RUBCN: variants seen among roughly 807,000 people sequenced by gnomAD.
The protein encoded by RUBCN is run domain Beclin-1-interacting and cysteine-rich domain-containing protein.
In RUBCN, 74 loss-of-function variants were observed where a neutral mutation model predicts 113.2. That is an observed-to-expected ratio of 0.65 (90% CI 0.54 to 0.79). The LOEUF (loss-of-function observed/expected upper bound fraction) is 0.79, where lower values mean the gene tolerates loss of function less well. Among genes scored for constraint, RUBCN ranks in the 30% least tolerant of loss-of-function variants. RUBCN has a pLI of 0.00. For synonymous variants in RUBCN, 480 were observed against 490.0 expected (o/e 0.98, Z 0.27); for missense variants, 1,109 against 1,251.7 (o/e 0.89, Z 1.72).
chr3:197,678,272 C>CT (rs1432703907), intron 16 of RUBCN, among the ~76,000 whole-genome samples: 3 of 151,554 alleles, frequency 2.0e-5, no homozygotes, highest in African/African-American at 7.3e-5. Context: ...TGACAACTGG[C>CT]TCCAGACTGT....
At chr3:197,748,197 C>G (rs765430759) in intron 1 of RUBCN, 6 of 152,122 alleles carry the variant, frequency 3.9e-5, no homozygotes, top group Admixed American at 2.6e-4. Context: ...CCGCCTGCCT[C>G]GGCCTCCCAA....
intron 2 of RUBCN, among the ~76,000 whole-genome samples, chr3:197,709,672 G>A (rs1002523565): frequency 7.9e-5 from 12 of 152,036 alleles, no homozygotes; most frequent in South Asian, 6.2e-4. Context: ...GAGCCACCGC[G>A]CCCGGCCTGA....
chr3:197,700,437 C>T, intron 7 of RUBCN, 176 bp downstream of exon 7: 1 of 635,420 alleles, frequency 1.6e-6, no homozygotes, highest in Non-Finnish European at 2.8e-6. Flanking sequence ...CATAAATAGA[C>T]TTAGAGATTT....
chr3:197,674,456 T>C lies in RUBCN; in HGVS notation c.*562A>G, dbSNP rs1424833079. Reference sequence around the variant, plus strand: ...GAGTCTAGGATAGTCAGGATTGTTCTGTGGCCCCCAAAATACCCAAATAAG... The same window carrying C: ...GAGTCTAGGATAGTCAGGATTGTTCCGTGGCCCCCAAAATACCCAAATAAG... On this transcript the variant is annotated 3_prime_UTR_variant, in exon 20 of 20. Transcript: ENST00000296343. 2 of 428,444 alleles carry C rather than the reference T, an allele frequency of 4.7e-6. No individual in the cohort carries two copies. The highest frequency in any genetic ancestry group is 3.7e-4 in the Middle Eastern group (1 of 2,736). 26.5% of individuals were successfully genotyped at this position (428,444 alleles called of 1,614,324 possible). A position where few individuals can be genotyped will look rare whatever the true frequency, so the allele number is the denominator to read the frequency against.
Position 197,681,320 on chromosome 3 carries a change from A to G in RUBCN, c.2239T>C (p.Cys747Arg). ...RYCEYLGKYF[C>R]QCCHENAQMA... ...TGGGCATTCTCGTGGCAGCACTGGC[A>G]GAAGTACTTGCCCAGGTACTCACAG... The change falls in exon 16 of 20, where the codon TGC becomes CGC. Residue 747 changes from cysteine to arginine, a missense_variant. Around this residue, in one of 3 missense-constraint regions of RUBCN, gnomAD observed 306 missense variants for 348.9 expected, o/e 0.88. Transcript: ENST00000296343. This position sits in a 1 kb window ranked among gnomAD's most constrained non-coding sequence, Gnocchi z 5.5. 1 of 1,614,204 alleles carries G rather than the reference A, an allele frequency of 6.2e-7. No homozygotes were observed. The highest frequency in any genetic ancestry group is 8.5e-7 in the Non-Finnish European group (1 of 1,180,024).
intron 7 of RUBCN, among the ~76,000 whole-genome samples, chr3:197,700,208 C>T (rs1723487508): frequency 6.6e-6 from 1 of 152,172 alleles, no homozygotes. Flanking sequence ...TATCTCTCTG[C>T]CTCTCTCACA....
rs1721209819 is a variant in RUBCN, at chr3:197,681,294, C to G, written c.2265G>C (p.Gln755His). Residue 755 changes from glutamine to histidine, a missense_variant, in exon 16 of 20, where the codon CAG becomes CAC. Transcript: ENST00000296343. The surrounding 1 kb of genome is among the most constrained non-coding windows in gnomAD (Gnocchi z 5.5). ...YFCQCCHENA[Q>H]MAIPSRVLRK... ...GCAGAACCCGGCTGGGGATGGCCAT[C>G]TGGGCATTCTCGTGGCAGCACTGGC... 2 of 1,614,236 alleles carry G rather than the reference C, an allele frequency of 1.2e-6. No individual in the cohort carries two copies. Among genetic ancestry groups the G allele is most frequent in the Non-Finnish European group, 1.7e-6 (2 of 1,180,042 alleles).
At chr3:197,696,699 G>A (rs1723041249) in intron 8 of RUBCN, among the ~76,000 whole-genome samples, 1 of 152,088 alleles carries the variant, frequency 6.6e-6, no homozygotes, top group Admixed American at 6.6e-5. Flanking sequence ...ATCCCATCTG[G>A]ACCAGCCGAC....
At chr3:197,743,462 A>C (rs952515940) in intron 1 of RUBCN, among the ~76,000 whole-genome samples, 1 of 152,334 alleles carries the variant, frequency 6.6e-6, no homozygotes, top group Non-Finnish European at 1.5e-5. Flanking sequence ...ATGAACAAAC[A>C]AATTTTGAGA....
intron 2 of RUBCN, among the ~76,000 whole-genome samples, chr3:197,711,941 G>C (rs535053089): frequency 6.6e-6 from 1 of 151,988 alleles, no homozygotes; most frequent in Non-Finnish European, 1.5e-5. Flanking sequence ...CTATCGCTTG[G>C]TGTTGGGATT....
intron 11 of RUBCN, chr3:197,691,036 G>C (rs1362971533): frequency 1.8e-6 from 2 of 1,093,298 alleles, no homozygotes; most frequent in Admixed American, 2.3e-5. Context: ...TCTCACACAT[G>C]CATCTACAAG....
At chr3:197,690,018 T>A (rs1037793238) in intron 11 of RUBCN, among the ~76,000 whole-genome samples, 1 of 152,196 alleles carries the variant, frequency 6.6e-6, no homozygotes, top group Non-Finnish European at 1.5e-5. Context: ...GAGATCAACT[T>A]TTTTAGCTCC....
chr3:197,713,614 G>A (rs977145466), intron 2 of RUBCN, among the ~76,000 whole-genome samples: 1 of 152,178 alleles, frequency 6.6e-6, no homozygotes, highest in African/African-American at 2.4e-5. Context: ...TAAGGTACAG[G>A]AGACAGCTAA....
rs1291836181 is a variant in RUBCN, at chr3:197,707,040, AGTG to A, written c.220-1868_220-1866del. 1.4e-4 allele frequency among the ~76,000 whole-genome samples: 21 copies of A among 151,314 alleles called. 2 individuals carry two copies. The highest frequency in any genetic ancestry group is 5.2e-4 in the African/African-American group (21 of 40,596). On this transcript the variant is annotated intron_variant, in intron 2 of 19. Transcript: ENST00000296343. ...ATGTCTCTTGGTTACATCATTTTTA[AGTG>A]AAAAGCGTGTAAAATTGTGGCCGGG...
At chr3:197,730,709 G>T (rs1360385700) in intron 1 of RUBCN, among the ~76,000 whole-genome samples, 2 of 151,678 alleles carry the variant, frequency 1.3e-5, no homozygotes, top group East Asian at 3.9e-4. Flanking sequence ...GGATGTGGGG[G>T]TTGAAAGGAA....
chr3:197,707,951 AAT>A (rs1724503221), intron 2 of RUBCN, among the ~76,000 whole-genome samples: 1 of 151,086 alleles, frequency 6.6e-6, no homozygotes, highest in Non-Finnish European at 1.5e-5. Flanking sequence ...GCAATAGTGC[AAT>A]ACTCTGTCTC....
At chr3:197,743,787 C>G (rs1367012345) in intron 1 of RUBCN, among the ~76,000 whole-genome samples, 1 of 152,100 alleles carries the variant, frequency 6.6e-6, no homozygotes, top group Non-Finnish European at 1.5e-5. Flanking sequence ...AGTTCAAGAC[C>G]AGCCTGACCA....
intron 2 of RUBCN, among the ~76,000 whole-genome samples, chr3:197,717,111 A>AC (rs1725601979): frequency 2.0e-5 from 3 of 150,762 alleles, no homozygotes; most frequent in African/African-American, 7.4e-5. Context: ...ACAGAGCGAG[A>AC]CCCCGTCTCA....
chr3:197,745,676 C>T (rs114279360), intron 1 of RUBCN, among the ~76,000 whole-genome samples: 51 of 151,458 alleles, frequency 3.4e-4, no homozygotes, highest in African/African-American at 1.2e-3. Context: ...TAAGAGTTTA[C>T]TACCTTTGAA....
Sources: gnomAD v4.1 joint callset for allele counts (sites outside exome capture counted in the v4.1 genomes callset) on GRCh38, gnomAD v4.1.1 for gene constraint, gnomAD v4.1.1 regional missense constraint, Gnocchi (gnomAD v3.1) non-coding constraint, MANE v1.5 for transcripts, NCBI Gene and HGNC (gene_info 2026-07-23, HGNC 2026-07-21) for gene names.